Variants in NLRP11 observed in about 807,000 individuals in gnomAD.
NLRP11 encodes NLR family pyrin domain containing 11, also known as NACHT, LRR and PYD domains-containing protein 11.
In NLRP11, 53 loss-of-function variants were observed where a neutral mutation model predicts 79.3. The ratio of observed to expected loss-of-function variants is 0.67; its 90% CI spans 0.54 to 0.84. The LOEUF (loss-of-function observed/expected upper bound fraction) is 0.84. Ranked by LOEUF, NLRP11 falls within the 40% of genes least tolerant of loss-of-function variation. NLRP11 has a pLI of 0.00. For synonymous variants in NLRP11, 518 were observed against 462.6 expected (o/e 1.12, Z -1.54); for missense variants, 1,264 against 1,255.0 (o/e 1.01, Z -0.11).
chr19:55,816,608 T>C (rs1201327572), intron 2 of NLRP11, among the ~76,000 whole-genome samples: 1 of 152,194 alleles, frequency 6.6e-6, no homozygotes, highest in Non-Finnish European at 1.5e-5. Flanking sequence ...TAACCCTCCA[T>C]GACGCTTACA....
intron 4 of NLRP11, among the ~76,000 whole-genome samples, chr19:55,806,453 G>C (rs1979997958): frequency 6.6e-6 from 1 of 152,148 alleles, no homozygotes; most frequent in Non-Finnish European, 1.5e-5. Flanking sequence ...CTCTCTCCTA[G>C]TCTAGATTTA....
intron 4 of NLRP11, among the ~76,000 whole-genome samples, chr19:55,803,841 G>A (rs368696637): frequency 1.5e-4 from 23 of 152,304 alleles, no homozygotes; most frequent in East Asian, 7.7e-4. Flanking sequence ...TAGCACTTTG[G>A]GAGGCCAAGG....
chr19:55,794,961 G>A (rs1415177130), intron 6 of NLRP11, among the ~76,000 whole-genome samples: 4 of 152,122 alleles, frequency 2.6e-5, no homozygotes, highest in South Asian at 2.1e-4. Context: ...AGCCAAAAAT[G>A]GGCGAAACAA....
intron 1 of NLRP11, among the ~76,000 whole-genome samples, chr19:55,819,301 T>C (rs973766864): frequency 3.3e-5 from 5 of 152,032 alleles, no homozygotes; most frequent in Non-Finnish European, 7.4e-5. Flanking sequence ...GTAAGAGACA[T>C]GCCCCACACA....
chr19:55,834,543 T>C (rs1037691859), upstream of NLRP11, among the ~76,000 whole-genome samples: 3 of 152,220 alleles, frequency 2.0e-5, no homozygotes, highest in African/African-American at 7.2e-5. Context: ...ATGATGCTAA[T>C]GTAATTAGTG....
intron 1 of NLRP11, among the ~76,000 whole-genome samples, chr19:55,827,944 C>T (rs910101355): frequency 3.3e-5 from 5 of 151,916 alleles, no homozygotes; most frequent in African/African-American, 1.2e-4. Flanking sequence ...ATAAATCATG[C>T]TGCTATAAAG....
At chr19:55,829,407 G>C (rs972001442) in intron 1 of NLRP11, among the ~76,000 whole-genome samples, 4 of 152,054 alleles carry the variant, frequency 2.6e-5, no homozygotes, top group Admixed American at 2.6e-4. Context: ...GCTCATGCCT[G>C]TAATCCCAGC....
chr19:55,797,608 A>G (rs1259877101), intron 5 of NLRP11, among the ~76,000 whole-genome samples: 1 of 152,202 alleles, frequency 6.6e-6, no homozygotes, highest in East Asian at 1.9e-4. Flanking sequence ...GGTCATAGAG[A>G]AAGAAAAGGA....
intron 2 of NLRP11, among the ~76,000 whole-genome samples, chr19:55,812,559 C>G (rs62127047): frequency 0.015 from 2,263 of 152,204 alleles, 28 homozygotes; most frequent in Non-Finnish European, 0.023. Context: ...CCCTTCACAC[C>G]TGTTAGAATG....
intron 9 of NLRP11, among the ~76,000 whole-genome samples, chr19:55,787,663 T>C (rs1989965391): frequency 6.6e-6 from 1 of 152,182 alleles, no homozygotes; most frequent in African/African-American, 2.4e-5. Flanking sequence ...AATAGGCAAA[T>C]ATGGTGAGAT....
intron 2 of NLRP11, among the ~76,000 whole-genome samples, chr19:55,810,574 A>G (rs1053150840): frequency 6.6e-6 from 1 of 152,108 alleles, no homozygotes. Flanking sequence ...TGGGCTCACT[A>G]CAGCCTCCAC....
At chr19:55,785,932 A>C (rs926192376) in intron 9 of NLRP11, 61 bp from the exon 10 acceptor site, 46 of 1,529,972 alleles carry the variant, frequency 3.0e-5, no homozygotes, top group Non-Finnish European at 3.8e-5. Context: ...GCTTTGTTGC[A>C]TCAATGACTA....
intron 6 of NLRP11, among the ~76,000 whole-genome samples, chr19:55,793,135 C>T (rs1978440198): frequency 6.6e-6 from 1 of 152,164 alleles, no homozygotes; most frequent in Admixed American, 6.5e-5. Context: ...CTGCCTTGGC[C>T]TCCCAAAGTG....
intron 7 of NLRP11, among the ~76,000 whole-genome samples, 165 bp from the exon 8 acceptor site, chr19:55,789,564 G>A (rs1990114800): frequency 6.6e-6 from 1 of 152,190 alleles, no homozygotes; most frequent in Non-Finnish European, 1.5e-5. Flanking sequence ...CAACATACCA[G>A]GCATTGTTCA....
exon 6 of NLRP11, chr19:55,796,224 C>T (rs1333757440): frequency 2.5e-6 from 4 of 1,613,602 alleles, no homozygotes; most frequent in Non-Finnish European, 3.4e-6. Flanking sequence ...TTCACATTCG[C>T]TGGCTCGCAA....
rs374527390 is a variant in NLRP11, at chr19:55,796,739, T to G, written c.2172-489A>C. 1.6e-3 allele frequency among the ~76,000 whole-genome samples: 241 copies of G among 151,370 alleles called. 1 individual carries two copies. Among genetic ancestry groups the G allele is most frequent in the African/African-American group, 5.2e-3 (215 of 41,052 alleles). On this transcript the variant is annotated intron_variant, in intron 5 of 9. Transcript: ENST00000589093. The stretch of plus-strand genomic sequence containing the variant: ...TCTTGCTCTGTCGCCCAGGCTGGAG[T>G]GCAATGGTGCGATCTCGGCTCACTG...
upstream of NLRP11, chr19:55,836,574 C>G (rs1462313995): frequency 6.6e-6 from 1 of 152,398 alleles, no homozygotes; most frequent in Non-Finnish European, 1.5e-5. Flanking sequence ...TGAGTCAGCG[C>G]TTCGTGCTGG....
chr19:55,817,988 G>T (rs779298045), exon 2 of NLRP11: 9 of 1,612,538 alleles, frequency 5.6e-6, no homozygotes, highest in Non-Finnish European at 7.6e-6. Flanking sequence ...CATATATACT[G>T]TCCCTCATAA....
At chr19:55,808,803 G>T (rs1188761871) in exon 3 of NLRP11, 1 of 1,610,286 alleles carries the variant, frequency 6.2e-7, no homozygotes, top group South Asian at 1.1e-5. Flanking sequence ...TCTTTGTTTT[G>T]AAAGATGCGC....
Sources: allele counts gnomAD v4.1 joint callset (sites outside exome capture counted in the v4.1 genomes callset), GRCh38; gene constraint gnomAD v4.1.1; transcripts MANE v1.5; gene names NCBI Gene and HGNC (gene_info 2026-07-23, HGNC 2026-07-21).